Variants in DLEC1 observed in about 807,000 individuals in gnomAD.
DLEC1 encodes deleted in lung and esophageal cancer protein 1.
DLEC1 carries 146 observed loss-of-function variants against 198.1 expected under a neutral mutation model. That is an observed-to-expected ratio of 0.74 (90% CI 0.64 to 0.85). The LOEUF (loss-of-function observed/expected upper bound fraction) is 0.85, where lower values mean the gene tolerates loss of function less well. DLEC1 is among the 40% of genes least tolerant of loss of function. The probability of loss-of-function intolerance (pLI) is 0.00; values close to 1 mark genes in which losing one functional copy is unlikely to be tolerated. For synonymous variants in DLEC1, 897 were observed against 866.8 expected, an observed-to-expected ratio of 1.03 and a Z score of -0.61; for missense variants, 2,233 against 2,220.0, an observed-to-expected ratio of 1.01 and a Z score of -0.12.
chr3:38,107,675 A>C lies in DLEC1; in HGVS notation c.2956A>C (p.Thr986Pro). The C allele has an allele frequency of 6.2e-7, 1 of 1,614,176 alleles. No individual in the cohort carries two copies. The highest frequency in any genetic ancestry group is 1.1e-5 in the South Asian group (1 of 91,080). ...EVRNLYLGVP[T>P]KTTITLINGT... is the part of the protein sequence containing the mutation. Reference sequence around the variant, plus strand: ...TAGAAATCTCTACCTGGGTGTGCCCACGAAGACAACCATCACACTTATCAA... The same window carrying C: ...TAGAAATCTCTACCTGGGTGTGCCCCCGAAGACAACCATCACACTTATCAA... Residue 986 changes from threonine to proline, a missense_variant, in exon 20 of 37, where the codon ACG becomes CCG. Physicochemically the swap from Thr to Pro is conservative, Grantham distance 38. Coordinates refer to ENST00000308059, the MANE Select transcript of DLEC1 (RefSeq NM_007335.4).
chr3:38,093,736 G>T lies in DLEC1; in HGVS notation c.1888G>T (p.Ala630Ser). ...TGAGCCTGAAAACCTTCGGTCCACG[G>T]CTAGGAAGCAGCTGATTATTAGAAA... ...RFEPENLRST[A>S]RKQLIIRNAT... The change falls in exon 12 of 37, where the codon GCT (alanine) becomes TCT (serine). Residue 630 changes from alanine to serine, a missense_variant. Physicochemically the swap from Ala to Ser is moderately conservative, Grantham distance 99. Transcript: ENST00000308059. The T allele has an allele frequency of 6.2e-7, 1 of 1,614,174 alleles. No homozygotes were observed. The highest frequency in any genetic ancestry group is 8.5e-7 in the Non-Finnish European group (1 of 1,180,028).
At chr3:38,098,950 T>C in intron 18 of DLEC1, among the ~76,000 whole-genome samples, 1 of 152,162 alleles carries the variant, frequency 6.6e-6, no homozygotes, top group African/African-American at 2.4e-5. Flanking sequence ...TCTCCCACCA[T>C]GGATCCTGAA....
chr3:38,118,540 A>G (rs1215822113), intron 33 of DLEC1, among the ~76,000 whole-genome samples: 1 of 152,104 alleles, frequency 6.6e-6, no homozygotes, highest in Non-Finnish European at 1.5e-5. Context: ...TAGGTAGGGG[A>G]AGGTCTTGGG....
rs1160074541 is a variant in DLEC1 at position 38,112,122 on chromosome 3, G to A, written c.3515-88G>A. ...GGAGAGGCTGGAGGGTGGCTTATCG[G>A]GGACAGTGCTTTGCTCACACACGAG... On this transcript the variant is annotated intron_variant, in intron 24 of 36. Transcript: ENST00000308059. The surrounding 1 kb of genome is among the most constrained non-coding windows in gnomAD (Gnocchi z 4.8). 6.3e-7 allele frequency: 1 copy of A among 1,578,744 alleles called. No homozygotes were observed. Among genetic ancestry groups the A allele is most frequent in the East Asian group, 2.2e-5 (1 of 44,606 alleles).
chr3:38,045,324 G>T (rs1700833046), intron 1 of DLEC1, among the ~76,000 whole-genome samples: 1 of 152,148 alleles, frequency 6.6e-6, no homozygotes, highest in African/African-American at 2.4e-5. Flanking sequence ...AGGTAACCAA[G>T]CTCAAGTCTG....
Position 38,048,270 on chromosome 3 carries a change from C to T in DLEC1, c.562+2577C>T, listed in dbSNP as rs1700967030. 2.6e-5 allele frequency among the ~76,000 whole-genome samples: 4 copies of T among 152,204 alleles called. No homozygotes were observed. In the South Asian group the frequency reaches 8.3e-4, roughly 32 times the overall value. ...GAAACGCTGATTCCTTTTATTCCCT[C>T]CACCACTCCCCACAAAGACCTTGAC... On this transcript the variant is annotated intron_variant, in intron 2 of 36. Transcript: ENST00000308059.
Position 38,085,433 on chromosome 3 carries a change from C to T in DLEC1, c.1421C>T (p.Pro474Leu). The T allele has an allele frequency of 1.2e-6, 2 of 1,613,894 alleles. No homozygotes were observed. The highest frequency in any genetic ancestry group is 1.7e-6 in the Non-Finnish European group (2 of 1,179,972). Residue 474 changes from proline to leucine, a missense_variant, in exon 8 of 37, where the codon CCC becomes CTC. By Grantham distance (98) the Pro-to-Leu change is moderately conservative. Transcript: ENST00000308059. ...LLIPLQARRP[P>L]PVLTLSPVLD... Reference sequence around the variant, plus strand: ...ATCCCCCTGCAGGCCCGGAGGCCGCCCCCCGTGCTGACATGTGAGTGTGCA... The same window carrying T: ...ATCCCCCTGCAGGCCCGGAGGCCGCTCCCCGTGCTGACATGTGAGTGTGCA...
At chr3:38,087,667 T>C (rs1213664910) in intron 9 of DLEC1, among the ~76,000 whole-genome samples, 1 of 152,256 alleles carries the variant, frequency 6.6e-6, no homozygotes, top group African/African-American at 2.4e-5. Context: ...AAGATATTTA[T>C]TTGTACCCAG....
Position 38,095,176 on chromosome 3 carries a change from GTGCTATC to G in DLEC1, c.2112+106_2112+112del. ...TGAAGCCACAGCTGGGCCCACCGAGGTGCTATCCTGCCCAGGCCAGCACTTGGCTGAG... is the reference window on the plus strand; with the variant it reads ...TGAAGCCACAGCTGGGCCCACCGAGGCTGCCCAGGCCAGCACTTGGCTGAG... On this transcript the variant is annotated intron_variant, in intron 13 of 36. Coordinates refer to ENST00000308059, the MANE Select transcript of DLEC1 (RefSeq NM_007335.4). 3 of 1,418,452 alleles carry G rather than the reference GTGCTATC, an allele frequency of 2.1e-6. 1 individual carries two copies. Among genetic ancestry groups the G allele is most frequent in the South Asian group, 2.6e-5 (2 of 76,296 alleles). The allele number at this position is 1,418,452 out of a possible 1,614,324, so 87.9% of individuals were successfully genotyped here. A position where few individuals can be genotyped will look rare whatever the true frequency, so the allele number is the denominator to read the frequency against.
At chr3:38,079,141 G>T (rs1244856743) in intron 6 of DLEC1, among the ~76,000 whole-genome samples, 1 of 152,138 alleles carries the variant, frequency 6.6e-6, no homozygotes, top group African/African-American at 2.4e-5. Flanking sequence ...GAATACAAGA[G>T]GAGGGCCCAA....
Position 38,112,311 on chromosome 3 carries a change from A to G in DLEC1, c.3616A>G (p.Thr1206Ala). ...CTACCAGCAGCTGTGCATTGACATC[A>G]CAGGCTGTGCCAACATGTGGGGCGA... The part of the protein sequence containing the change: ...GPYQQLCIDI[T>A]GCANMWGEYW... Residue 1206 changes from threonine to alanine, a missense_variant, in exon 25 of 37, where the codon ACA becomes GCA. Physicochemically the swap from Thr to Ala is moderately conservative, Grantham distance 58. Transcript: ENST00000308059. This position sits in a 1 kb window ranked among gnomAD's most constrained non-coding sequence, Gnocchi z 4.8. The G allele has an allele frequency of 6.2e-7, 1 of 1,614,110 alleles. No individual in the cohort carries two copies. Among genetic ancestry groups the G allele is most frequent in the Non-Finnish European group, 8.5e-7 (1 of 1,180,008 alleles).
At chr3:38,050,848 T>A (rs1305169201) in intron 2 of DLEC1, among the ~76,000 whole-genome samples, 1 of 152,134 alleles carries the variant, frequency 6.6e-6, no homozygotes, top group Admixed American at 6.5e-5. Flanking sequence ...AATGAACATA[T>A]GTGATGGGGG....
chr3:38,104,970 G>A (rs1181999789), intron 19 of DLEC1, among the ~76,000 whole-genome samples: 3 of 151,934 alleles, frequency 2.0e-5, no homozygotes, highest in East Asian at 3.8e-4. Context: ...CACTCCCTTA[G>A]TTGCATCCTA....
At chr3:38,107,415 A>T (rs1204142488) in intron 19 of DLEC1, among the ~76,000 whole-genome samples, 169 bp from the exon 20 acceptor site, 1 of 152,202 alleles carries the variant, frequency 6.6e-6, no homozygotes, top group Non-Finnish European at 1.5e-5. Context: ...TCATTTTTGT[A>T]TATTGATCTT....
chr3:38,061,523 A>G (rs938909952), intron 3 of DLEC1, among the ~76,000 whole-genome samples: 15 of 152,160 alleles, frequency 9.9e-5, no homozygotes, highest in Non-Finnish European at 2.2e-4. Flanking sequence ...AGCTCATACA[A>G]ACTTTCATTC....
rs1288996992 is a variant in DLEC1, at chr3:38,122,871, TC to T, written c.*461del. The T allele has an allele frequency of 1.3e-5, 10 of 792,734 alleles. No individual in the cohort carries two copies. Among genetic ancestry groups the T allele is most frequent in the Non-Finnish European group, 2.0e-5 (10 of 503,274 alleles). 49.1% of individuals were successfully genotyped at this position (792,734 alleles called of 1,614,324 possible). A position where few individuals can be genotyped will look rare whatever the true frequency, so the allele number is the denominator to read the frequency against. On this transcript the variant is annotated 3_prime_UTR_variant, in exon 37 of 37. Coordinates refer to ENST00000308059, the MANE Select transcript of DLEC1 (RefSeq NM_007335.4). ...ATGGGTGGCTCAACACCCCACCCAC[TC>T]CTATACCATGTCATCAGTGTTCACA...
chr3:38,076,416 G>A (rs1697622818), intron 6 of DLEC1, among the ~76,000 whole-genome samples: 1 of 152,028 alleles, frequency 6.6e-6, no homozygotes, highest in African/African-American at 2.4e-5. Context: ...GGGTGGGGCT[G>A]TTTTATAAGA....
chr3:38,118,028 AGTG>A lies in DLEC1; in HGVS notation c.4704+6_4704+8del, dbSNP rs1362268651. 1 of 1,588,870 alleles carries A rather than the reference AGTG, an allele frequency of 6.3e-7. No homozygotes were observed. The highest frequency in any genetic ancestry group is 1.1e-5 in the South Asian group (1 of 88,888). The stretch of plus-strand genomic sequence containing the variant: ...CCAAGCACAGGAGAACATGCTGGTC[AGTG>A]GGGGAGTCTGCAGCCCTTGCCTCGA... On this transcript the variant is annotated splice_donor_5th_base_variant and intron_variant, in intron 33 of 36. Coordinates refer to ENST00000308059, the MANE Select transcript of DLEC1 (RefSeq NM_007335.4).
At chr3:38,094,696 G>C (rs1028306909) in intron 12 of DLEC1, among the ~76,000 whole-genome samples, 183 bp from the exon 13 acceptor site, 2 of 152,034 alleles carry the variant, frequency 1.3e-5, no homozygotes, top group African/African-American at 4.8e-5. Flanking sequence ...AGACTCCCTC[G>C]CCCACTTGCT....
Sources: gnomAD v4.1 joint callset for allele counts (sites outside exome capture counted in the v4.1 genomes callset) on GRCh38, gnomAD v4.1.1 for gene constraint, Gnocchi (gnomAD v3.1) non-coding constraint, MANE v1.5 for transcripts, NCBI Gene and HGNC (gene_info 2026-07-23, HGNC 2026-07-21) for gene names.